RFX2: variants seen among roughly 807,000 people sequenced by gnomAD.
RFX2 encodes the protein DNA-binding protein RFX2.
RFX2 carries 20 observed loss-of-function variants against 87.8 expected under a neutral mutation model. The ratio of observed to expected loss-of-function variants is 0.23; its 90% CI spans 0.16 to 0.33. RFX2 has a LOEUF of 0.33. Ranked by LOEUF, RFX2 falls within the 10% of genes least tolerant of loss-of-function variation. The pLI, the probability that RFX2 is intolerant of heterozygous loss-of-function variation, is 1.00. For missense variants in RFX2, 767 were observed against 1,012.3 expected (o/e 0.76, Z 3.29); for synonymous variants, 397 against 431.3 (o/e 0.92, Z 0.98).
chr19:6,051,382 A>C (rs554710182), intron 1 of RFX2, among the ~76,000 whole-genome samples: 1 of 152,296 alleles, frequency 6.6e-6, no homozygotes, highest in South Asian at 2.1e-4. Context: ...GTTGTAACAC[A>C]GAGGATGGGG....
In RFX2 at chr19:6,016,082, C is replaced by G. The variant is rs1282945244; in HGVS notation, c.779+8G>C. The G allele has an allele frequency of 2.5e-6, 4 of 1,587,436 alleles. No individual in the cohort carries two copies. The African/African-American group carries it at 4.1e-5, about 16-fold the overall frequency. ...GAAGAACAGGTGGGCTGGGGATCGT[C>G]TACCCACCTGGTGCCCAGCCGCCGC... On this transcript the variant is annotated splice_region_variant and intron_variant, in intron 7 of 17. Transcript: ENST00000303657. The surrounding 1 kb of genome is among the most constrained non-coding windows in gnomAD (Gnocchi z 5.4).
At chr19:6,079,866 C>T (rs985944497) in intron 1 of RFX2, among the ~76,000 whole-genome samples, 2 of 83,946 alleles carry the variant, frequency 2.4e-5, no homozygotes, top group Non-Finnish European at 4.4e-5. Flanking sequence ...AGCCTGGCAA[C>T]AAAGCAAGAC....
chr19:6,042,230 C>G, intron 3 of RFX2, 107 bp from the exon 4 acceptor site: 1 of 969,560 alleles, frequency 1.0e-6, no homozygotes, highest in Middle Eastern at 2.1e-4. Context: ...CATTTAGTAC[C>G]AAATGACAAT....
rs755793730 is a variant in RFX2 at position 6,013,074 on chromosome 19, G to A, written c.811C>T (p.Arg271Cys). 2.5e-6 allele frequency: 4 copies of A among 1,598,884 alleles called. No homozygotes were observed. Among genetic ancestry groups the A allele is most frequent in the East Asian group, 2.3e-5 (1 of 43,838 alleles). ...GNSKYHYYGI[R>C]LKPDSPLNRL... is the part of the protein sequence containing the mutation. ...TTCAGTGGTGAGTCCGGCTTCAGAC[G>A]AATCCCATAGTAATGGTACTTCGAG... The change falls in exon 8 of 18, where the codon CGT becomes TGT. Residue 271 changes from arginine to cysteine, a missense_variant. Transcript: ENST00000303657. The surrounding 1 kb of genome is among the most constrained non-coding windows in gnomAD (Gnocchi z 4.1).
intron 1 of RFX2, among the ~76,000 whole-genome samples, chr19:6,092,088 TCA>T (rs2087944342): frequency 6.6e-6 from 1 of 152,184 alleles, no homozygotes; most frequent in Admixed American, 6.5e-5. Flanking sequence ...AAACCATGAT[TCA>T]CTGAATTTAA....
Position 6,107,616 on chromosome 19 carries a change from C to CAAAAAAAAAAAAAAAAA in RFX2, c.-9+2760_-9+2776dup, listed in dbSNP as rs1156483792. On this transcript the variant is annotated intron_variant, in intron 1 of 17. Coordinates refer to ENST00000303657, the MANE Select transcript of RFX2 (RefSeq NM_000635.4). The stretch of plus-strand genomic sequence containing the variant: ...TGGGTGACAGAGTGAGACCCTGTCT[C>CAAAAAAAAAAAAAAAAA]AAAAAAAAAAAAAAAAAAAAAAAAA... Among the ~76,000 whole-genome samples the CAAAAAAAAAAAAAAAAA allele has an allele frequency of 7.3e-4, 23 of 31,556 alleles. 4 individuals carry two copies. Among genetic ancestry groups the CAAAAAAAAAAAAAAAAA allele is most frequent in the African/African-American group, 1.9e-3 (15 of 8,078 alleles). The allele number at this position is 31,556 out of a possible 152,430, so 20.7% of individuals were successfully genotyped here.
intron 1 of RFX2, among the ~76,000 whole-genome samples, chr19:6,091,448 C>CAA (rs777847524): frequency 1.3e-3 from 136 of 108,610 alleles, no homozygotes; most frequent in African/African-American, 3.0e-3. Flanking sequence ...ACCCTATCTT[C>CAA]AAAAAAAAAA....
At position 6,047,183 on chromosome 19, in the gene RFX2, C is replaced by T. The variant is rs2087202651; in HGVS notation, c.90+224G>A. The stretch of plus-strand genomic sequence containing the variant: ...CAGATTTGGGAGAGTGGTTTCTTTT[C>T]CATTCATGTCATTGTTTCCTTGATG... On this transcript the variant is annotated intron_variant, in intron 2 of 17. Transcript: ENST00000303657. The surrounding 1 kb of genome is among the most constrained non-coding windows in gnomAD (Gnocchi z 4.2). Among the ~76,000 whole-genome samples the T allele has an allele frequency of 6.6e-6, 1 of 152,178 alleles. No individual in the cohort carries two copies. Among genetic ancestry groups the T allele is most frequent in the African/African-American group, 2.4e-5 (1 of 41,446 alleles).
chr19:6,051,009 G>A (rs2087259816), intron 1 of RFX2, among the ~76,000 whole-genome samples: 1 of 152,102 alleles, frequency 6.6e-6, no homozygotes, highest in Non-Finnish European at 1.5e-5. Context: ...TATGCTGGGG[G>A]GGAAAACCCT....
At chr19:6,098,439 C>A (rs1350662763) in intron 1 of RFX2, among the ~76,000 whole-genome samples, 3 of 151,958 alleles carry the variant, frequency 2.0e-5, no homozygotes, top group Non-Finnish European at 4.4e-5. Flanking sequence ...CAGTGAGATG[C>A]GTTTTCGTCC....
intron 1 of RFX2, among the ~76,000 whole-genome samples, chr19:6,058,906 C>T (rs774848441): frequency 1.2e-4 from 18 of 152,082 alleles, no homozygotes; most frequent in Non-Finnish European, 2.4e-4. Flanking sequence ...GAGCAGGCTG[C>T]GCTGACAAGG....
chr19:6,049,084 A>G (rs1049568117), intron 1 of RFX2: 6 of 152,164 alleles, frequency 3.9e-5, no homozygotes, highest in African/African-American at 1.4e-4. Context: ...TAAATTTCCC[A>G]TAGTGTATTT....
At chr19:6,030,209 A>G (rs1031922398) in intron 5 of RFX2, among the ~76,000 whole-genome samples, 7 of 152,320 alleles carry the variant, frequency 4.6e-5, no homozygotes, top group African/African-American at 1.7e-4. Context: ...ATTATAATCA[A>G]ACTGTTGAAA....
intron 1 of RFX2, among the ~76,000 whole-genome samples, chr19:6,103,738 C>T (rs866614167): frequency 1.5e-4 from 23 of 152,066 alleles, no homozygotes; most frequent in African/African-American, 5.6e-4. Context: ...ATATTAGTAC[C>T]CATGAGTTTC....
intron 5 of RFX2, among the ~76,000 whole-genome samples, chr19:6,035,763 A>G (rs2087013169): frequency 6.6e-6 from 1 of 152,118 alleles, no homozygotes; most frequent in African/African-American, 2.4e-5. Flanking sequence ...TTATGCCAAC[A>G]ACAAGCCAAT....
In RFX2 at chr19:6,101,863, T is replaced by C. The variant is rs1180880418; in HGVS notation, c.-9+8530A>G. Among the ~76,000 whole-genome samples, 3 of 152,174 alleles carry C rather than the reference T, an allele frequency of 2.0e-5. No homozygotes were observed. Among genetic ancestry groups the C allele is most frequent in the East Asian group, 1.9e-4 (1 of 5,192 alleles). ...GATCTCTGCTTAGCATGGTTCACAA[T>C]AGCTGTAAGGTGGAAACCACCCAAG... On this transcript the variant is annotated intron_variant, in intron 1 of 17. Transcript: ENST00000303657. The surrounding 1 kb of genome is among the most constrained non-coding windows in gnomAD (Gnocchi z 4.9).
intron 1 of RFX2, among the ~76,000 whole-genome samples, chr19:6,109,149 C>A (rs1173553668): frequency 2.0e-5 from 3 of 149,886 alleles, no homozygotes; most frequent in Non-Finnish European, 3.0e-5. Context: ...AGTTTAGGTT[C>A]TTTAACAAAA....
chr19:6,005,595 G>C (rs1008758936), intron 12 of RFX2, among the ~76,000 whole-genome samples: 1 of 152,206 alleles, frequency 6.6e-6, no homozygotes, highest in Non-Finnish European at 1.5e-5. Context: ...CGTGGGCCTA[G>C]CTTCCTTCCT....
Position 6,004,389 on chromosome 19 carries a change from G to C in RFX2, c.1403-91C>G. 2.9e-6 allele frequency: 3 copies of C among 1,046,122 alleles called. No homozygotes were observed. The highest frequency in any genetic ancestry group is 3.0e-6 in the Non-Finnish European group (2 of 668,948). The allele number at this position is 1,046,122 out of a possible 1,614,324, so 64.8% of individuals were successfully genotyped here. On this transcript the variant is annotated intron_variant, in intron 12 of 17. Transcript: ENST00000303657. The surrounding 1 kb of genome is among the most constrained non-coding windows in gnomAD (Gnocchi z 4.8). Reference sequence around the variant, plus strand: ...TCAGTGTAAGAGCTGGCCCAAGTGCGATGAAAATGACCACCATGAAGAACG... The same window carrying C: ...TCAGTGTAAGAGCTGGCCCAAGTGCCATGAAAATGACCACCATGAAGAACG...
Sources: allele counts gnomAD v4.1 joint callset (sites outside exome capture counted in the v4.1 genomes callset), GRCh38; gene constraint gnomAD v4.1.1; non-coding constraint Gnocchi (gnomAD v3.1); transcripts MANE v1.5; gene names NCBI Gene and HGNC (gene_info 2026-07-23, HGNC 2026-07-21).